DLGAP1: variants seen among roughly 807,000 people sequenced by gnomAD.
DLGAP1 encodes the protein disks large-associated protein 1.
A neutral mutation model predicts 90.8 loss-of-function variants in DLGAP1; 11 were observed. That is an observed-to-expected ratio of 0.12 (90% CI 0.08 to 0.20). The LOEUF is 0.20. Ranked by LOEUF, DLGAP1 falls within the 10% of genes least tolerant of loss-of-function variation. DLGAP1 has a pLI of 1.00. For synonymous variants in DLGAP1, 558 were observed against 540.7 expected (o/e 1.03, Z -0.44); for missense variants, 1,050 against 1,333.8 (o/e 0.79, Z 3.31).
At chr18:4,355,607 A>G (rs1250754973) in intron 1 of DLGAP1, among the ~76,000 whole-genome samples, 1 of 152,070 alleles carries the variant, frequency 6.6e-6, no homozygotes, top group African/African-American at 2.4e-5. Flanking sequence ...ACAGAAGTGC[A>G]TATGTAATTG....
intron 2 of DLGAP1, among the ~76,000 whole-genome samples, chr18:4,016,410 G>A (rs566193636): frequency 1.3e-5 from 2 of 152,304 alleles, no homozygotes; most frequent in Non-Finnish European, 1.5e-5. Context: ...AAAGATATAT[G>A]GGAGAGAAGT....
chr18:3,932,489 TGC>T (rs1463451215), intron 3 of DLGAP1, among the ~76,000 whole-genome samples: 1 of 152,110 alleles, frequency 6.6e-6, no homozygotes, highest in Non-Finnish European at 1.5e-5. Context: ...GAAATACCCT[TGC>T]GGGGGAGCCT....
intron 1 of DLGAP1, among the ~76,000 whole-genome samples, chr18:4,282,019 G>A (rs2079563246): frequency 1.3e-5 from 2 of 152,128 alleles, no homozygotes; most frequent in Admixed American, 6.5e-5. Context: ...AATAATCAAT[G>A]TGATCAATAT....
chr18:4,204,513 T>TG (rs1555762763), intron 1 of DLGAP1, among the ~76,000 whole-genome samples: 6 of 151,632 alleles, frequency 4.0e-5, no homozygotes, highest in Admixed American at 2.0e-4. Flanking sequence ...TTGTGGTTTT[T>TG]TTTTTGTTTT....
At chr18:4,301,367 A>C (rs887907494) in intron 1 of DLGAP1, among the ~76,000 whole-genome samples, 2 of 152,200 alleles carry the variant, frequency 1.3e-5, no homozygotes, top group African/African-American at 4.8e-5. Flanking sequence ...GATTCTACAC[A>C]AAGTGAGAAT....
chr18:3,803,434 C>A (rs1568162135), intron 5 of DLGAP1, among the ~76,000 whole-genome samples: 1 of 152,184 alleles, frequency 6.6e-6, no homozygotes, highest in Non-Finnish European at 1.5e-5. Context: ...GTACCCACAG[C>A]AGTGTCCATC....
intron 1 of DLGAP1, among the ~76,000 whole-genome samples, chr18:4,354,359 G>A (rs1447188700): frequency 2.6e-5 from 4 of 152,082 alleles, no homozygotes; most frequent in Non-Finnish European, 4.4e-5. Context: ...CTTCCAGAAG[G>A]TCCCTGCCCA....
At chr18:3,874,511 A>G in intron 4 of DLGAP1, 5 of 1,448,168 alleles carry the variant, frequency 3.5e-6, no homozygotes, top group Non-Finnish European at 3.6e-6. Flanking sequence ...CAGAACCAAG[A>G]ATTCTGCTTT....
At chr18:4,048,640 G>T (rs572465016) in intron 2 of DLGAP1, among the ~76,000 whole-genome samples, 3 of 152,326 alleles carry the variant, frequency 2.0e-5, no homozygotes, top group African/African-American at 7.2e-5. Flanking sequence ...TGACCAACTT[G>T]TGCCTGCACT....
In DLGAP1 at chr18:3,703,089, A is replaced by G. The variant is rs543287781; in HGVS notation, c.1591+26046T>C. Among the ~76,000 whole-genome samples the G allele has an allele frequency of 2.0e-5, 3 of 152,330 alleles. No individual in the cohort carries two copies. In the South Asian group the frequency reaches 6.2e-4, roughly 32 times the overall value. ...GTGCCAACAGGTCATGAGGCCATTCAGGGAAAACAAGGGTTAGGAAGGAGG... is the reference window on the plus strand; with the variant it reads ...GTGCCAACAGGTCATGAGGCCATTCGGGGAAAACAAGGGTTAGGAAGGAGG... On this transcript the variant is annotated intron_variant, in intron 7 of 12. Transcript: ENST00000315677.
At chr18:4,049,167 C>T (rs912406496) in intron 2 of DLGAP1, among the ~76,000 whole-genome samples, 4 of 148,872 alleles carry the variant, frequency 2.7e-5, no homozygotes, top group African/African-American at 9.9e-5. Flanking sequence ...GCAGAAGTTG[C>T]AGTGAGCCAA....
intron 7 of DLGAP1, among the ~76,000 whole-genome samples, chr18:3,694,934 T>C (rs2061034105): frequency 1.5e-5 from 2 of 136,606 alleles, no homozygotes; most frequent in Admixed American, 1.5e-4. Flanking sequence ...TTTGGTGTTT[T>C]TTTTGTTTTT....
chr18:3,509,984 C>T (rs1308660421), intron 10 of DLGAP1, among the ~76,000 whole-genome samples: 1 of 152,182 alleles, frequency 6.6e-6, no homozygotes, highest in Non-Finnish European at 1.5e-5. Flanking sequence ...TCCGTGATCT[C>T]GAGGGGGTCT....
chr18:4,161,847 T>C (rs73941230), intron 1 of DLGAP1, among the ~76,000 whole-genome samples: 9,651 of 152,204 alleles, frequency 0.063, 815 homozygotes, highest in East Asian at 0.25. Context: ...TCAGATCTAA[T>C]ATAATCATTT....
intron 3 of DLGAP1, among the ~76,000 whole-genome samples, chr18:3,897,778 ATTTTTTTTTT>A (rs869170460): frequency 6.3e-5 from 6 of 94,502 alleles, no homozygotes; most frequent in South Asian, 3.9e-4. Flanking sequence ...CGAATTTCTG[ATTTTTTTTTT>A]TTTTTTTTTT....
At chr18:4,379,048 A>G (rs190014073) in intron 1 of DLGAP1, among the ~76,000 whole-genome samples, 10 of 152,280 alleles carry the variant, frequency 6.6e-5, no homozygotes, top group Admixed American at 5.9e-4. Flanking sequence ...TAAACAGCTC[A>G]GATGTTCTCT....
intron 9 of DLGAP1, among the ~76,000 whole-genome samples, chr18:3,564,757 G>A (rs73940037): frequency 0.023 from 3,558 of 152,210 alleles, 136 homozygotes; most frequent in African/African-American, 0.082. Context: ...GCTGGTTCCT[G>A]CAGAGATTTC....
At chr18:4,327,856 T>C (rs2080857106) in intron 1 of DLGAP1, among the ~76,000 whole-genome samples, 2 of 152,002 alleles carry the variant, frequency 1.3e-5, no homozygotes, top group South Asian at 4.1e-4. Flanking sequence ...GTGTTTTGCT[T>C]TGATGGGAAT....
intron 7 of DLGAP1, among the ~76,000 whole-genome samples, chr18:3,645,652 T>G (rs541328354): frequency 1.2e-4 from 18 of 152,324 alleles, no homozygotes; most frequent in Non-Finnish European, 2.4e-4. Flanking sequence ...CAGGCAGAGT[T>G]CCTAGGCTGA....
Sources: gnomAD v4.1 joint callset for allele counts (sites outside exome capture counted in the v4.1 genomes callset) on GRCh38, gnomAD v4.1.1 for gene constraint, MANE v1.5 for transcripts, NCBI Gene and HGNC (gene_info 2026-07-23, HGNC 2026-07-21) for gene names.